Variants in MYCBP2 observed in about 807,000 individuals in gnomAD.
MYCBP2 encodes the protein E3 ubiquitin-protein ligase MYCBP2.
In MYCBP2, 120 loss-of-function variants were observed where a neutral mutation model predicts 525.3. The ratio of observed to expected loss-of-function variants is 0.23; its 90% CI spans 0.20 to 0.27. The LOEUF (loss-of-function observed/expected upper bound fraction) is 0.27. MYCBP2 is among the 10% of genes least tolerant of loss of function. The probability of loss-of-function intolerance (pLI) is 1.00; values close to 1 mark genes in which losing one functional copy is unlikely to be tolerated. For missense variants in MYCBP2, 4,149 were observed against 5,657.1 expected (o/e 0.73, Z 8.55); for synonymous variants, 1,894 against 1,955.8 (o/e 0.97, Z 0.83).
intron 47 of MYCBP2, among the ~76,000 whole-genome samples, chr13:77,148,917 CCTT>C (rs1268176139): frequency 6.6e-6 from 1 of 152,104 alleles, no homozygotes; most frequent in Non-Finnish European, 1.5e-5. Context: ...GCTTTCTTTT[CCTT>C]CTTCTGGTAG....
chr13:77,047,714 CCTGGG>C (rs1340373023), intron 82 of MYCBP2, among the ~76,000 whole-genome samples: 1 of 152,164 alleles, frequency 6.6e-6, no homozygotes, highest in Non-Finnish European at 1.5e-5. Context: ...AAGGACAAGA[CCTGGG>C]ATAGAAATGC....
intron 15 of MYCBP2, 111 bp from the exon 16 acceptor site, chr13:77,244,062 T>A: frequency 8.2e-7 from 1 of 1,215,968 alleles, no homozygotes; most frequent in Non-Finnish European, 1.1e-6. Context: ...GTTAAATGAG[T>A]AAGCAATGAA....
intron 18 of MYCBP2, among the ~76,000 whole-genome samples, chr13:77,226,629 T>C (rs2066313575): frequency 6.6e-6 from 1 of 152,252 alleles, no homozygotes; most frequent in South Asian, 2.1e-4. Context: ...GTATTTTCAT[T>C]GTGCATTTTA....
Position 77,185,971 on chromosome 13 carries a change from C to T in MYCBP2, c.4344G>A (p.Gln1448=). The stretch of plus-strand genomic sequence containing the variant: ...CTAAATCTAGGAGTGTAGCTGTGAA[C>T]TGGAATCCTTTTAATCCTCTAAGTT... ...VEELRGLKGF[Q]FTATLLDLER... is the part of the protein sequence containing the mutation. Residue 1448 remains glutamine, a synonymous_variant, in exon 31 of 83, where the codon CAG becomes CAA. Transcript: ENST00000544440. 6.2e-7 allele frequency: 1 copy of T among 1,613,860 alleles called. No individual in the cohort carries two copies. The highest frequency in any genetic ancestry group is 8.5e-7 in the Non-Finnish European group (1 of 1,179,860).
chr13:77,228,152 T>C (rs2066575579), intron 18 of MYCBP2, among the ~76,000 whole-genome samples: 1 of 152,088 alleles, frequency 6.6e-6, no homozygotes, highest in Admixed American at 6.6e-5. Flanking sequence ...AAAAAGGCAC[T>C]TAATAAGTGG....
intron 23 of MYCBP2, among the ~76,000 whole-genome samples, chr13:77,210,803 T>C (rs1346108731): frequency 6.6e-6 from 1 of 152,038 alleles, no homozygotes; most frequent in African/African-American, 2.4e-5. Context: ...AACAGTAAAA[T>C]TAATAATTAT....
intron 73 of MYCBP2, among the ~76,000 whole-genome samples, chr13:77,063,401 C>CA (rs904793079): frequency 2.0e-5 from 3 of 151,186 alleles, no homozygotes; most frequent in Non-Finnish European, 4.4e-5. Context: ...TTACTAAATA[C>CA]AAAAAAAATT....
chr13:77,098,311 T>C lies in MYCBP2; in HGVS notation c.8843A>G (p.Asp2948Gly). Residue 2948 changes from aspartate (D) to glycine (G), a missense_variant, in exon 56 of 83, where the codon GAC (aspartate) becomes GGC (glycine). By Grantham distance (94) the Asp-to-Gly change is moderately conservative. Around this residue, in one of 21 missense-constraint regions of MYCBP2, gnomAD observed 653 missense variants for 744.7 expected, o/e 0.88. Coordinates refer to ENST00000544440, the MANE Select transcript of MYCBP2 (RefSeq NM_015057.5). ...SSTLKTNSLT[D>G]STCDDSSEFK... ...TTCACTGCTGTCATCGCAGGTGCTG[T>C]CTGTTAGACTATTTGTTTTTAAAGT... The C allele has an allele frequency of 6.2e-7, 1 of 1,611,620 alleles. No homozygotes were observed.
Position 77,168,617 on chromosome 13 carries a change from T to C in MYCBP2, c.5925A>G (p.Gln1975=), listed in dbSNP as rs1193047381. ...AAATGGCAACTGACGGAAGCAATTGTTGGACAAGGCCAAAGACTTCTACAG... is the reference window on the plus strand; with the variant it reads ...AAATGGCAACTGACGGAAGCAATTGCTGGACAAGGCCAAAGACTTCTACAG... ...KVAVEVFGLV[Q]QLLPSVAILN... The change falls in exon 40 of 83, where the codon CAA becomes CAG. Residue 1975 remains glutamine (Q), a synonymous_variant. Coordinates refer to ENST00000544440, the MANE Select transcript of MYCBP2 (RefSeq NM_015057.5). 1 of 1,614,068 alleles carries C rather than the reference T, an allele frequency of 6.2e-7. No homozygotes were observed. Among genetic ancestry groups the C allele is most frequent in the African/African-American group, 1.3e-5 (1 of 74,930 alleles).
At chr13:77,120,479 A>G (rs1397537577) in intron 55 of MYCBP2, among the ~76,000 whole-genome samples, 1 of 152,210 alleles carries the variant, frequency 6.6e-6, no homozygotes, top group East Asian at 1.9e-4. Flanking sequence ...TCTTCAAGTC[A>G]GGTATAATGA....
intron 82 of MYCBP2, 46 bp downstream of exon 82, chr13:77,050,951 A>G (rs775805458): frequency 1.3e-5 from 19 of 1,487,346 alleles, no homozygotes; most frequent in South Asian, 7.4e-5. Context: ...ACATAAAACT[A>G]TGGTATATAG....
intron 23 of MYCBP2, among the ~76,000 whole-genome samples, chr13:77,209,077 C>A (rs1422597558): frequency 2.0e-5 from 3 of 152,120 alleles, no homozygotes; most frequent in Non-Finnish European, 2.9e-5. Context: ...AAATTCTGAT[C>A]CTGATTTAAA....
intron 13 of MYCBP2, among the ~76,000 whole-genome samples, chr13:77,259,629 T>C (rs2072893570): frequency 6.6e-6 from 1 of 152,208 alleles, no homozygotes; most frequent in Admixed American, 6.5e-5. Flanking sequence ...TGGGTACACC[T>C]CCACTTAATA....
Position 77,326,895 on chromosome 13 carries a change from A to C in MYCBP2, c.-120T>G. 1 of 947,984 alleles carries C rather than the reference A, an allele frequency of 1.1e-6. No individual in the cohort carries two copies. The highest frequency in any genetic ancestry group is 1.4e-6 in the Non-Finnish European group (1 of 701,196). 58.7% of individuals were successfully genotyped at this position (947,984 alleles called of 1,614,324 possible). ...TCCGGCGGCGGCCTCTGGCTCCCGCAGCAGGGAGACTACAAAGACAGCGAC... is the reference window on the plus strand; with the variant it reads ...TCCGGCGGCGGCCTCTGGCTCCCGCCGCAGGGAGACTACAAAGACAGCGAC... On this transcript the variant is annotated 5_prime_UTR_variant, in exon 1 of 83. Coordinates refer to ENST00000544440, the MANE Select transcript of MYCBP2 (RefSeq NM_015057.5). This position sits in a 1 kb window ranked among gnomAD's most constrained non-coding sequence, Gnocchi z 4.2.
At chr13:77,226,606 C>T (rs1292191163) in intron 18 of MYCBP2, among the ~76,000 whole-genome samples, 1 of 152,186 alleles carries the variant, frequency 6.6e-6, no homozygotes, top group Non-Finnish European at 1.5e-5. Flanking sequence ...TACAGACACA[C>T]ACTTTCTATC....
At position 77,088,915 on chromosome 13, in the gene MYCBP2, T is replaced by C. The variant is rs774510618; in HGVS notation, c.10642A>G (p.Ile3548Val). ...AGACCTTCTAGATCATGATGTTGTATAACAAAAGCTAAAACTGGCCACTGG... is the reference window on the plus strand; with the variant it reads ...AGACCTTCTAGATCATGATGTTGTACAACAAAAGCTAAAACTGGCCACTGG... ...NFQWPVLAFV[I>V]QHHDLEGLEI... Residue 3548 changes from isoleucine to valine, a missense_variant, in exon 61 of 83, where the codon ATA becomes GTA. Around this residue, in one of 21 missense-constraint regions of MYCBP2, gnomAD observed 509 missense variants for 789.4 expected, o/e 0.64. Transcript: ENST00000544440. 3 of 1,613,432 alleles carry C rather than the reference T, an allele frequency of 1.9e-6. No homozygotes were observed. The highest frequency in any genetic ancestry group is 1.7e-6 in the Non-Finnish European group (2 of 1,179,578).
At position 77,118,553 on chromosome 13, in the gene MYCBP2, C is replaced by T. The variant is rs1208491420; in HGVS notation, c.8140+2820G>A. The T allele has an allele frequency of 4.0e-6, 3 of 753,758 alleles. No individual in the cohort carries two copies. In the African/African-American group the frequency reaches 5.1e-5, roughly 13 times the overall value. The allele number at this position is 753,758 out of a possible 1,614,324, so 46.7% of individuals were successfully genotyped here. ...CGTTATTCATTAACATCCAAAATGGCAAAGTAAATGGTGCTTTATGACATT... is the reference window on the plus strand; with the variant it reads ...CGTTATTCATTAACATCCAAAATGGTAAAGTAAATGGTGCTTTATGACATT... On this transcript the variant is annotated intron_variant, in intron 55 of 82. Transcript: ENST00000544440.
Position 77,097,453 on chromosome 13 carries a change from C to T in MYCBP2, c.9701G>A (p.Gly3234Glu). ...FGEMAQLAVGGPEKDTICELC... is the reference protein window; with the variant it reads ...FGEMAQLAVGEPEKDTICELC... ...TTCACAGATGGTATCTTTCTCTGGT[C>T]CTCCTACTGCCAGCTGGGCCATCTC... The change falls in exon 56 of 83, where the codon GGA (glycine) becomes GAA (glutamate). Residue 3234 changes from glycine to glutamate, a missense_variant. Physicochemically the swap from Gly to Glu is moderately conservative, Grantham distance 98. Coordinates refer to ENST00000544440, the MANE Select transcript of MYCBP2 (RefSeq NM_015057.5). 4 of 1,613,498 alleles carry T rather than the reference C, an allele frequency of 2.5e-6. No individual in the cohort carries two copies. The highest frequency in any genetic ancestry group is 3.4e-6 in the Non-Finnish European group (4 of 1,179,736).
At chr13:77,204,157 G>C (rs2062995982) in intron 26 of MYCBP2, among the ~76,000 whole-genome samples, 1 of 151,194 alleles carries the variant, frequency 6.6e-6, no homozygotes, top group African/African-American at 2.4e-5. Context: ...TCTGACAAAG[G>C]GCTAATATCC....
Sources: allele counts gnomAD v4.1 joint callset (sites outside exome capture counted in the v4.1 genomes callset), GRCh38; gene constraint gnomAD v4.1.1; regional missense constraint gnomAD v4.1.1; non-coding constraint Gnocchi (gnomAD v3.1); transcripts MANE v1.5; gene names NCBI Gene and HGNC (gene_info 2026-07-23, HGNC 2026-07-21).